The following RNGTT variants were observed in gnomAD, a reference collection of about 807,000 sequenced individuals.
RNGTT encodes the protein RNA guanylyltransferase and 5'-phosphatase.
A neutral mutation model predicts 79.3 loss-of-function variants in RNGTT; 33 were observed. That is an observed-to-expected ratio of 0.42 (90% CI 0.32 to 0.56). RNGTT has a LOEUF of 0.56. Among genes scored for constraint, RNGTT ranks in the 20% least tolerant of loss-of-function variants. The probability of loss-of-function intolerance (pLI) is 0.17; values close to 1 mark genes in which losing one functional copy is unlikely to be tolerated. For missense variants in RNGTT, 497 were observed against 739.1 expected (o/e 0.67, Z 3.80); for synonymous variants, 222 against 235.9 (o/e 0.94, Z 0.54).
At chr6:88,920,751 T>C (rs996856499) in intron 4 of RNGTT, among the ~76,000 whole-genome samples, 2 of 152,210 alleles carry the variant, frequency 1.3e-5, no homozygotes, top group African/African-American at 2.4e-5. Flanking sequence ...AGATTCATAC[T>C]CCAGGTTTAG....
chr6:88,947,038 G>T lies in RNGTT; in HGVS notation c.65-5858C>A, dbSNP rs1172531647. Reference sequence around the variant, plus strand: ...GCCTGCCTTGGCCTCCCAAAGTGCCGAGATTGCAGCCTCTGCCCGGCCGCC... The same window carrying T: ...GCCTGCCTTGGCCTCCCAAAGTGCCTAGATTGCAGCCTCTGCCCGGCCGCC... On this transcript the variant is annotated intron_variant, in intron 1 of 15. Transcript: ENST00000369485. 1.1e-4 allele frequency among the ~76,000 whole-genome samples: 4 copies of T among 35,490 alleles called. No homozygotes were observed. In the East Asian group the frequency reaches 2.3e-3, roughly 20 times the overall value. The allele number at this position is 35,490 out of a possible 152,430, so 23.3% of individuals were successfully genotyped here. A position where few individuals can be genotyped will look rare whatever the true frequency, so the allele number is the denominator to read the frequency against.
chr6:88,927,921 T>C (rs1372298803), intron 4 of RNGTT, among the ~76,000 whole-genome samples: 1 of 151,880 alleles, frequency 6.6e-6, no homozygotes, highest in Non-Finnish European at 1.5e-5. Flanking sequence ...AAAAGCAAAG[T>C]TGGCCAGGCA....
At chr6:88,619,229 G>A (rs368928140) in intron 14 of RNGTT, among the ~76,000 whole-genome samples, 19 of 151,668 alleles carry the variant, frequency 1.3e-4, no homozygotes, top group African/African-American at 2.2e-4. Flanking sequence ...GCAGTGGTGC[G>A]GTCACAGCTC....
chr6:88,651,487 T>G (rs910309190), intron 14 of RNGTT, among the ~76,000 whole-genome samples: 8 of 152,126 alleles, frequency 5.3e-5, no homozygotes, highest in Non-Finnish European at 1.0e-4. Flanking sequence ...TTGGCTATTT[T>G]TCTATTTGAT....
chr6:88,815,842 G>A (rs1323324761), intron 11 of RNGTT, among the ~76,000 whole-genome samples: 1 of 152,146 alleles, frequency 6.6e-6, no homozygotes, highest in Admixed American at 6.5e-5. Flanking sequence ...GATACCAAAT[G>A]GCATTTTAGC....
intron 13 of RNGTT, among the ~76,000 whole-genome samples, chr6:88,709,244 G>A (rs1343075232): frequency 6.6e-6 from 1 of 152,032 alleles, no homozygotes; most frequent in Non-Finnish European, 1.5e-5. Context: ...GGAGGAGGTT[G>A]CAGTGAGCCA....
intron 4 of RNGTT, among the ~76,000 whole-genome samples, chr6:88,913,669 T>C (rs1051747894): frequency 3.9e-5 from 6 of 152,184 alleles, no homozygotes; most frequent in Admixed American, 1.3e-4. Context: ...TCCTGCATGA[T>C]AATAATCCTA....
At chr6:88,624,501 A>G (rs1230052968) in intron 14 of RNGTT, among the ~76,000 whole-genome samples, 2 of 151,950 alleles carry the variant, frequency 1.3e-5, no homozygotes, top group African/African-American at 4.8e-5. Context: ...TTTTCAATAA[A>G]TGGTACTGGA....
chr6:88,923,019 A>C (rs1421610801), intron 4 of RNGTT, among the ~76,000 whole-genome samples: 1 of 152,216 alleles, frequency 6.6e-6, no homozygotes, highest in Non-Finnish European at 1.5e-5. Context: ...TTGTAAATTG[A>C]TAGTTAAATC....
chr6:88,779,880 C>A (rs115727442), intron 12 of RNGTT, among the ~76,000 whole-genome samples: 10 of 152,262 alleles, frequency 6.6e-5, no homozygotes, highest in African/African-American at 2.4e-4. Flanking sequence ...GTAGTCCCAG[C>A]CACCTGGGGG....
At chr6:88,778,866 ATGAG>A (rs1337499596) in intron 12 of RNGTT, among the ~76,000 whole-genome samples, 1 of 152,216 alleles carries the variant, frequency 6.6e-6, no homozygotes, top group East Asian at 1.9e-4. Context: ...GTATTGAAGC[ATGAG>A]TAAGTATAAA....
intron 12 of RNGTT, among the ~76,000 whole-genome samples, chr6:88,785,958 T>C (rs1182523280): frequency 1.3e-5 from 2 of 152,054 alleles, no homozygotes; most frequent in East Asian, 1.9e-4. Flanking sequence ...ATCAAAATAG[T>C]GATGAAAACA....
chr6:88,755,895 G>C (rs1777995934), intron 13 of RNGTT, among the ~76,000 whole-genome samples: 1 of 149,508 alleles, frequency 6.7e-6, no homozygotes, highest in South Asian at 2.1e-4. Flanking sequence ...GGGAGGCAGA[G>C]GGTGCAGTGA....
rs751901807 is a variant in RNGTT, at chr6:88,844,347, TAA to T, written c.1269+8_1269+9del. The T allele has an allele frequency of 6.2e-7, 1 of 1,605,348 alleles. No homozygotes were observed. Among genetic ancestry groups the T allele is most frequent in the African/African-American group, 1.3e-5 (1 of 74,136 alleles). On this transcript the variant is annotated splice_region_variant and intron_variant, in intron 11 of 15. Coordinates refer to ENST00000369485, the MANE Select transcript of RNGTT (RefSeq NM_003800.5). ...TATTAGCACTAATTTAAAAAAAAAT[TAA>T]ACTTTACCTTTCTTGAAGTACAGAT...
At chr6:88,769,070 T>C (rs1010264747) in intron 13 of RNGTT, among the ~76,000 whole-genome samples, 2 of 152,248 alleles carry the variant, frequency 1.3e-5, no homozygotes, top group Non-Finnish European at 2.9e-5. Context: ...TATCTAGATC[T>C]ATAATTCATA....
intron 12 of RNGTT, among the ~76,000 whole-genome samples, chr6:88,771,057 T>C (rs956748756): frequency 3.9e-5 from 6 of 151,976 alleles, no homozygotes; most frequent in African/African-American, 1.4e-4. Context: ...TTTGGCTTTT[T>C]CATTTTCTAA....
At chr6:88,820,615 C>T (rs973610473) in intron 11 of RNGTT, among the ~76,000 whole-genome samples, 1 of 152,182 alleles carries the variant, frequency 6.6e-6, no homozygotes. Flanking sequence ...CAATCACTTT[C>T]CCACATACCA....
intron 7 of RNGTT, 95 bp downstream of exon 7, chr6:88,891,711 C>T: frequency 1.4e-6 from 1 of 701,936 alleles, no homozygotes; most frequent in Admixed American, 3.6e-5. Flanking sequence ...TGCAAACATA[C>T]TAACTTCAAG....
chr6:88,843,715 C>T (rs1781383973), intron 11 of RNGTT, among the ~76,000 whole-genome samples: 1 of 151,200 alleles, frequency 6.6e-6, no homozygotes, highest in South Asian at 2.1e-4. Flanking sequence ...TGCGCCGCCA[C>T]ACCCGGCTAA....
Sources: gnomAD v4.1 joint callset for allele counts (sites outside exome capture counted in the v4.1 genomes callset) on GRCh38, gnomAD v4.1.1 for gene constraint, MANE v1.5 for transcripts, NCBI Gene and HGNC (gene_info 2026-07-23, HGNC 2026-07-21) for gene names.